Variants in COL19A1 observed in about 807,000 individuals in gnomAD.
COL19A1 encodes collagen type XIX alpha 1 chain.
In COL19A1, 159 loss-of-function variants were observed where a neutral mutation model predicts 190.2. The observed-to-expected ratio is 0.84, with a 90% confidence interval of 0.73 to 0.95. The LOEUF (loss-of-function observed/expected upper bound fraction) is 0.95, where lower values mean the gene tolerates loss of function less well. Ranked by LOEUF, COL19A1 falls within the 40% of genes least tolerant of loss-of-function variation. The probability of loss-of-function intolerance (pLI) is 0.00; values close to 1 mark genes in which losing one functional copy is unlikely to be tolerated. For synonymous variants in COL19A1, 509 were observed against 458.9 expected (o/e 1.11, Z -1.39); for missense variants, 1,418 against 1,431.9 (o/e 0.99, Z 0.16).
intron 2 of COL19A1, among the ~76,000 whole-genome samples, chr6:69,895,591 T>C (rs1446755491): frequency 7.9e-5 from 12 of 152,122 alleles, no homozygotes; most frequent in Non-Finnish European, 1.8e-4. Context: ...TGTTCAAATC[T>C]CATGTTCCAC....
intron 1 of COL19A1, among the ~76,000 whole-genome samples, chr6:69,877,790 G>C (rs1364688709): frequency 1.3e-5 from 2 of 152,104 alleles, no homozygotes; most frequent in Non-Finnish European, 2.9e-5. Context: ...GGAGGCCAAG[G>C]TGGGCAGATC....
Position 69,878,210 on chromosome 6 carries a change from T to TTTTA in COL19A1, c.-32-1310_-32-1307dup, listed in dbSNP as rs1314395725. 2.3e-3 allele frequency among the ~76,000 whole-genome samples: 346 copies of TTTTA among 151,090 alleles called. 1 individual carries two copies. Among genetic ancestry groups the TTTTA allele is most frequent in the African/African-American group, 8.2e-3 (337 of 41,268 alleles). On this transcript the variant is annotated intron_variant, in intron 1 of 50. Coordinates refer to ENST00000620364, the MANE Select transcript of COL19A1 (RefSeq NM_001858.6). ...AATTATATATATATATATTTATTTC[T>TTTTA]TTTATTTATTTATTTATTTTTGAGA...
At chr6:70,120,913 T>A (rs1784849969) in intron 16 of COL19A1, among the ~76,000 whole-genome samples, 1 of 152,202 alleles carries the variant, frequency 6.6e-6, no homozygotes, top group African/African-American at 2.4e-5. Context: ...GATTGCTTCT[T>A]AAAATTTTTC....
At chr6:70,173,345 TAG>T (rs1035448402) in intron 41 of COL19A1, among the ~76,000 whole-genome samples, 16 of 152,100 alleles carry the variant, frequency 1.1e-4, no homozygotes, top group African/African-American at 3.6e-4. Context: ...GGAATGCCAA[TAG>T]AGTTTTTAGA....
chr6:70,177,750 C>A (rs879802339), intron 42 of COL19A1, among the ~76,000 whole-genome samples: 11 of 152,188 alleles, frequency 7.2e-5, no homozygotes, highest in South Asian at 4.1e-4. Flanking sequence ...CTTAGAGAAC[C>A]TTTACAACCT....
chr6:70,091,003 T>C (rs1381244307), intron 15 of COL19A1, among the ~76,000 whole-genome samples: 1 of 152,216 alleles, frequency 6.6e-6, no homozygotes, highest in African/African-American at 2.4e-5. Flanking sequence ...TTCACATTTC[T>C]GCTGAGGGCT....
At chr6:70,076,451 A>G (rs1375118888) in intron 15 of COL19A1, among the ~76,000 whole-genome samples, 3 of 152,230 alleles carry the variant, frequency 2.0e-5, no homozygotes, top group African/African-American at 7.2e-5. Flanking sequence ...TAGAAGGGAC[A>G]AATATAGGTA....
intron 11 of COL19A1, among the ~76,000 whole-genome samples, chr6:69,968,629 T>C (rs1775252788): frequency 6.6e-6 from 1 of 152,172 alleles, no homozygotes; most frequent in Admixed American, 6.5e-5. Flanking sequence ...ACAACAGTTA[T>C]GGCTTTAAAT....
chr6:69,989,898 C>T (rs1464106965), intron 11 of COL19A1, among the ~76,000 whole-genome samples: 1 of 152,060 alleles, frequency 6.6e-6, no homozygotes, highest in Non-Finnish European at 1.5e-5. Flanking sequence ...AGCTCTTAGA[C>T]TAATGTTTCA....
intron 10 of COL19A1, among the ~76,000 whole-genome samples, chr6:69,961,091 G>C (rs1774772718): frequency 6.6e-6 from 1 of 152,148 alleles, no homozygotes; most frequent in Non-Finnish European, 1.5e-5. Context: ...GCAGGAGAGA[G>C]CATTATTGAT....
rs779281622 is a variant in COL19A1 at position 70,165,924 on chromosome 6, C to T, written c.2401-17C>T. ...AGAAACGTCTACGCCGCTGATATGT[C>T]TATATATCCCTTGCAGGGCAGCGAC... On this transcript the variant is annotated splice_polypyrimidine_tract_variant and intron_variant, in intron 36 of 50. Coordinates refer to ENST00000620364, the MANE Select transcript of COL19A1 (RefSeq NM_001858.6). 26 of 1,612,964 alleles carry T rather than the reference C, an allele frequency of 1.6e-5. No homozygotes were observed. Among genetic ancestry groups the T allele is most frequent in the Non-Finnish European group, 2.1e-5 (25 of 1,179,112 alleles).
intron 14 of COL19A1, among the ~76,000 whole-genome samples, chr6:70,062,651 G>A (rs926630822): frequency 4.6e-5 from 7 of 152,046 alleles, no homozygotes; most frequent in Admixed American, 6.6e-5. Context: ...AAATGTAAAT[G>A]GCCTAAATGC....
At chr6:70,041,500 T>C (rs1263547388) in intron 14 of COL19A1, among the ~76,000 whole-genome samples, 3 of 152,188 alleles carry the variant, frequency 2.0e-5, no homozygotes, top group Non-Finnish European at 4.4e-5. Context: ...CAGTGCTATG[T>C]ATTGTTTAAA....
intron 48 of COL19A1, among the ~76,000 whole-genome samples, chr6:70,196,244 A>G (rs1259067010): frequency 2.0e-5 from 3 of 152,230 alleles, no homozygotes. Context: ...TTCCACATTT[A>G]GGAGACATTT....
At chr6:70,128,664 A>C (rs1785341105) in intron 17 of COL19A1, among the ~76,000 whole-genome samples, 1 of 152,232 alleles carries the variant, frequency 6.6e-6, no homozygotes, top group African/African-American at 2.4e-5. Context: ...CAGGCAAGGA[A>C]GACATTATTC....
chr6:70,141,072 A>G (rs1178442219), intron 20 of COL19A1, 83 bp downstream of exon 20: 4 of 1,251,788 alleles, frequency 3.2e-6, no homozygotes, highest in Non-Finnish European at 4.6e-6. Flanking sequence ...TTTACTTTGG[A>G]GTCTAATAGA....
chr6:69,930,800 A>C (rs1326144764), intron 6 of COL19A1, among the ~76,000 whole-genome samples: 1 of 152,202 alleles, frequency 6.6e-6, no homozygotes, highest in East Asian at 1.9e-4. Flanking sequence ...CTTTGTCTCA[A>C]AAAACAAAAA....
chr6:70,167,922 T>TA (rs1765262804), intron 37 of COL19A1, 103 bp from the exon 38 acceptor site: 1 of 828,706 alleles, frequency 1.2e-6, no homozygotes, highest in Admixed American at 2.6e-5. Flanking sequence ...TAGAAAAAAG[T>TA]AAAAAATAGA....
chr6:69,964,611 C>T (rs968682948), intron 11 of COL19A1, among the ~76,000 whole-genome samples: 2 of 152,086 alleles, frequency 1.3e-5, no homozygotes, highest in Non-Finnish European at 2.9e-5. Flanking sequence ...AACCATTCAC[C>T]GTATTTGGCT....
Sources: gnomAD v4.1 joint callset for allele counts (sites outside exome capture counted in the v4.1 genomes callset) on GRCh38, gnomAD v4.1.1 for gene constraint, MANE v1.5 for transcripts, NCBI Gene and HGNC (gene_info 2026-07-23, HGNC 2026-07-21) for gene names.